The following ESPN variants were observed in gnomAD, a reference collection of about 807,000 sequenced individuals.
ESPN encodes espin, also known as autosomal recessive deafness type 36 protein.
ESPN carries 68 observed loss-of-function variants against 77.7 expected under a neutral mutation model. That is an observed-to-expected ratio of 0.87 (90% CI 0.72 to 1.07). The LOEUF (loss-of-function observed/expected upper bound fraction) is 1.07, where lower values mean the gene tolerates loss of function less well. Ranked by LOEUF, ESPN falls within the 50% of genes least tolerant of loss-of-function variation. ESPN has a pLI of 0.00. For missense variants in ESPN, 1,060 were observed against 1,239.0 expected, an observed-to-expected ratio of 0.86 and a Z score of 2.17; for synonymous variants, 449 against 567.1, an observed-to-expected ratio of 0.79 and a Z score of 2.96.
At chr1:6,454,172 G>A (rs1200555130) in intron 10 of ESPN, among the ~76,000 whole-genome samples, 16 of 152,196 alleles carry the variant, frequency 1.1e-4, no homozygotes, top group Non-Finnish European at 2.4e-4. Flanking sequence ...GCCTGTTCTT[G>A]CCGCCGCAGC....
intron 6 of ESPN, among the ~76,000 whole-genome samples, chr1:6,444,931 C>T (rs559082086): frequency 6.6e-6 from 1 of 152,202 alleles, no homozygotes; most frequent in Non-Finnish European, 1.5e-5. Context: ...CCACGTGTGT[C>T]GCCCACCATT....
chr1:6,442,035 T>C (rs75382699), intron 5 of ESPN, among the ~76,000 whole-genome samples: 4 of 152,126 alleles, frequency 2.6e-5, no homozygotes, highest in Non-Finnish European at 5.9e-5. Context: ...GTATATAAGC[T>C]GGGATGGACA....
intron 7 of ESPN, among the ~76,000 whole-genome samples, chr1:6,446,288 C>G (rs1197321133): frequency 6.6e-6 from 1 of 151,898 alleles, no homozygotes; most frequent in African/African-American, 2.4e-5. Context: ...CCCAAGCATG[C>G]CCCCCCACCC....
intron 7 of ESPN, chr1:6,448,001 A>T (rs1014798302): frequency 2.0e-5 from 3 of 152,180 alleles, no homozygotes; most frequent in African/African-American, 7.2e-5. Flanking sequence ...GTCGGAGCCC[A>T]TAGGCTGGCT....
At position 6,460,065 on chromosome 1, in the gene ESPN, G is replaced by C. The variant is rs1368289774; in HGVS notation, c.2484G>C (p.Arg828=). The part of the protein sequence containing the change: ...RREKEQSEKL[R]TLGYDESKLA... The stretch of plus-strand genomic sequence containing the variant: ...AGAAGGAACAGTCAGAGAAGCTGCG[G>C]ACGCTGGGCTACGATGAGAGCAAGC... Residue 828 remains arginine (R), a synonymous_variant, in exon 13 of 13, where the codon CGG becomes CGC. Transcript: ENST00000645284. 1 of 1,613,478 alleles carries C rather than the reference G, an allele frequency of 6.2e-7. No homozygotes were observed. Among genetic ancestry groups the C allele is most frequent in the Non-Finnish European group, 8.5e-7 (1 of 1,180,046 alleles).
In ESPN at chr1:6,445,717, C is replaced by G. The variant is rs576644460; in HGVS notation, c.1246C>G (p.Pro416Ala). The change falls in exon 7 of 13, where the codon CCG becomes GCG. Residue 416 changes from proline (P) to alanine (A), a missense_variant. Pro to Ala is a conservative substitution (Grantham distance 27). This residue lies in a region of ESPN where 556 missense variants were observed against 633.6 expected (regional missense o/e 0.88). Transcript: ENST00000645284. The part of the protein sequence containing the change: ...DIQSYMDMLN[P>A]ELGLPRGTIG... Reference sequence around the variant, plus strand: ...ACAGAGCTACATGGACATGCTGAACCCGGAGCTGGGCCTGCCTCGGGGCAC... The same window carrying G: ...ACAGAGCTACATGGACATGCTGAACGCGGAGCTGGGCCTGCCTCGGGGCAC... 2 of 1,612,008 alleles carry G rather than the reference C, an allele frequency of 1.2e-6. No homozygotes were observed. Among genetic ancestry groups the G allele is most frequent in the African/African-American group, 2.7e-5 (2 of 74,970 alleles).
At chr1:6,440,191 G>A in intron 2 of ESPN, 63 bp from the exon 3 acceptor site, 2 of 1,512,492 alleles carry the variant, frequency 1.3e-6, no homozygotes, top group African/African-American at 1.4e-5. Flanking sequence ...GATGGGGGCG[G>A]GTAAGAAGGC....
chr1:6,445,464 C>A (rs1409150625), intron 6 of ESPN, 200 bp from the exon 7 acceptor site: 3 of 662,252 alleles, frequency 4.5e-6, no homozygotes, highest in Non-Finnish European at 8.2e-6. Flanking sequence ...TGGTCTTCCC[C>A]CAGTAAGTGC....
chr1:6,456,842 G>A (rs1419944553), intron 10 of ESPN, among the ~76,000 whole-genome samples: 1 of 152,210 alleles, frequency 6.6e-6, no homozygotes, highest in Non-Finnish European at 1.5e-5. Context: ...GGGCTGGCTG[G>A]CATCTGCGTC....
At chr1:6,425,547 A>C (rs1057250195) in intron 1 of ESPN, among the ~76,000 whole-genome samples, 14 of 152,228 alleles carry the variant, frequency 9.2e-5, no homozygotes, top group Non-Finnish European at 4.4e-5. Context: ...GAAGCAAAGC[A>C]CTGATCCTGT....
In ESPN at chr1:6,447,121, CCCCT is replaced by C. The variant is rs1415996538; in HGVS notation, c.1464+1189_1464+1192del. On this transcript the variant is annotated intron_variant, in intron 7 of 12. Coordinates refer to ENST00000645284, the MANE Select transcript of ESPN (RefSeq NM_031475.3). The surrounding 1 kb of genome is among the most constrained non-coding windows in gnomAD (Gnocchi z 5.2). ...AGCCCAAGTGCCAGGTCTGCGTGGT[CCCCT>C]CCTGGCTGTGTGAGCCCCCTCCCGG... The C allele has an allele frequency of 6.5e-6, 1 of 153,132 alleles. No individual in the cohort carries two copies. The highest frequency in any genetic ancestry group is 1.5e-5 in the Non-Finnish European group (1 of 68,698). 9.5% of individuals were successfully genotyped at this position (153,132 alleles called of 1,614,324 possible).
chr1:6,451,698 A>C lies in ESPN; in HGVS notation c.2011A>C (p.Ser671Arg). ...AGKSLKPTPQ[S>R]KGLTTVFSGI... ...CAAGAGCCTGAAGCCGACGCCCCAGAGCAAGGGGCTGACCACAGTGTTCTC... is the reference window on the plus strand; with the variant it reads ...CAAGAGCCTGAAGCCGACGCCCCAGCGCAAGGGGCTGACCACAGTGTTCTC... The change falls in exon 9 of 13, where the codon AGC (serine) becomes CGC (arginine). Residue 671 changes from serine (S) to arginine (R), a missense_variant. Ser to Arg is a moderately radical substitution (Grantham distance 110, BLOSUM62 -1). Transcript: ENST00000645284. The surrounding 1 kb of genome is among the most constrained non-coding windows in gnomAD (Gnocchi z 4.3). 1.2e-6 allele frequency: 2 copies of C among 1,613,138 alleles called. No individual in the cohort carries two copies. The highest frequency in any genetic ancestry group is 1.7e-6 in the Non-Finnish European group (2 of 1,179,936).
At chr1:6,429,962 G>A (rs1173656875) in intron 2 of ESPN, 1 of 153,946 alleles carries the variant, frequency 6.5e-6, no homozygotes, top group Non-Finnish European at 1.5e-5. Context: ...AGCAGCATGT[G>A]ACTCGACTGA....
At chr1:6,448,605 G>C in intron 7 of ESPN, 36 bp from the exon 8 acceptor site, 4 of 1,534,838 alleles carry the variant, frequency 2.6e-6, no homozygotes, top group Non-Finnish European at 3.5e-6. Context: ...CTACCGGGCA[G>C]GTGCCCGAGC....
chr1:6,458,816 A>G (rs959759537), intron 12 of ESPN, among the ~76,000 whole-genome samples: 1 of 151,324 alleles, frequency 6.6e-6, no homozygotes, highest in African/African-American at 2.4e-5. Context: ...CTGTAATCCC[A>G]GCTACTCGGG....
intron 2 of ESPN, among the ~76,000 whole-genome samples, chr1:6,438,168 T>G (rs533265111): frequency 3.0e-4 from 45 of 152,238 alleles, no homozygotes; most frequent in South Asian, 1.5e-3. Context: ...ACCTGGAGCT[T>G]CTCCTGGGTC....
chr1:6,453,429 G>T (rs1247026154), intron 10 of ESPN, among the ~76,000 whole-genome samples: 2 of 152,266 alleles, frequency 1.3e-5, no homozygotes, highest in South Asian at 4.1e-4. Flanking sequence ...CACCTTATAC[G>T]TGGGCTGGGG....
chr1:6,442,867 C>CAAA (rs35404098), intron 5 of ESPN, among the ~76,000 whole-genome samples: 4 of 51,176 alleles, frequency 7.8e-5, no homozygotes, highest in African/African-American at 1.5e-4. Flanking sequence ...GACGCTGTCT[C>CAAA]AAAAAAAAAA....
chr1:6,429,499 C>T (rs1238026380), intron 2 of ESPN, among the ~76,000 whole-genome samples: 1 of 152,100 alleles, frequency 6.6e-6, no homozygotes, highest in Non-Finnish European at 1.5e-5. Flanking sequence ...GGGAGCCACA[C>T]CTGGGACATG....
Sources: allele counts gnomAD v4.1 joint callset (sites outside exome capture counted in the v4.1 genomes callset), GRCh38; gene constraint gnomAD v4.1.1; regional missense constraint gnomAD v4.1.1; non-coding constraint Gnocchi (gnomAD v3.1); transcripts MANE v1.5; gene names NCBI Gene and HGNC (gene_info 2026-07-23, HGNC 2026-07-21).